The following NRF1 variants were observed in gnomAD, a reference collection of about 807,000 sequenced individuals.
The protein encoded by NRF1 is alpha palindromic-binding protein.
NRF1 carries 5 observed loss-of-function variants against 58.5 expected under a neutral mutation model. That is an observed-to-expected ratio of 0.09 (90% CI 0.04 to 0.18). The LOEUF (loss-of-function observed/expected upper bound fraction) is 0.18. Among genes scored for constraint, NRF1 ranks in the 10% least tolerant of loss-of-function variants. The pLI, the probability that NRF1 is intolerant of heterozygous loss-of-function variation, is 1.00. For missense variants in NRF1, 288 were observed against 657.7 expected, an observed-to-expected ratio of 0.44 and a Z score of 6.15; for synonymous variants, 224 against 246.7, an observed-to-expected ratio of 0.91 and a Z score of 0.86.
chr7:129,705,344 G>A (rs1802923593), intron 5 of NRF1, among the ~76,000 whole-genome samples: 1 of 152,114 alleles, frequency 6.6e-6, no homozygotes, highest in East Asian at 1.9e-4. Context: ...AGGCTGGAGT[G>A]TAGTTGAGCG....
chr7:129,627,851 C>T, intron 1 of NRF1, among the ~76,000 whole-genome samples: 1 of 152,068 alleles, frequency 6.6e-6, no homozygotes, highest in East Asian at 1.9e-4. Flanking sequence ...AAATGAATGA[C>T]TCATTTTGAT....
rs772239945 is a variant in NRF1 at position 129,755,206 on chromosome 7, T to G, written c.*25T>G. On this transcript the variant is annotated 3_prime_UTR_variant, in exon 11 of 11. Transcript: ENST00000393232. The surrounding 1 kb of genome is among the most constrained non-coding windows in gnomAD (Gnocchi z 5.8). ...ACATACAGCCATATTATGGCATCGTTTTCTAGTCTACTTCAAAATTTTTTA... is the reference window on the plus strand; with the variant it reads ...ACATACAGCCATATTATGGCATCGTGTTCTAGTCTACTTCAAAATTTTTTA... 2 of 1,533,532 alleles carry G rather than the reference T, an allele frequency of 1.3e-6. No homozygotes were observed. Among genetic ancestry groups the G allele is most frequent in the Non-Finnish European group, 1.8e-6 (2 of 1,138,048 alleles). 95.0% of individuals were successfully genotyped at this position (1,533,532 alleles called of 1,614,324 possible).
intron 2 of NRF1, among the ~76,000 whole-genome samples, chr7:129,662,365 T>C (rs1801803402): frequency 2.0e-5 from 3 of 149,204 alleles, no homozygotes; most frequent in Admixed American, 6.8e-5. Flanking sequence ...TTTTTTTTCC[T>C]CCAGTTTTAG....
chr7:129,732,368 T>C (rs182964723), intron 10 of NRF1, among the ~76,000 whole-genome samples: 67 of 152,298 alleles, frequency 4.4e-4, no homozygotes, highest in South Asian at 8.3e-4. Flanking sequence ...TAAGTATTGG[T>C]TGGTGCAAAA....
chr7:129,691,361 A>ATTTT (rs752895743), intron 5 of NRF1, among the ~76,000 whole-genome samples: 41 of 90,860 alleles, frequency 4.5e-4, no homozygotes, highest in Non-Finnish European at 6.0e-4. Context: ...TATTATTATT[A>ATTTT]TTATTTTTTT....
chr7:129,687,258 A>G (rs1297795688), intron 4 of NRF1, among the ~76,000 whole-genome samples: 1 of 150,300 alleles, frequency 6.7e-6, no homozygotes, highest in African/African-American at 2.4e-5. Flanking sequence ...CCAAGCAGCA[A>G]CAGGTTTGAT....
intron 1 of NRF1, among the ~76,000 whole-genome samples, chr7:129,621,426 C>T (rs1269888767): frequency 6.6e-6 from 1 of 152,154 alleles, no homozygotes; most frequent in Non-Finnish European, 1.5e-5. Flanking sequence ...TCTTTACATT[C>T]AGTAAATCTC....
At chr7:129,616,307 T>C (rs570417914) in intron 1 of NRF1, among the ~76,000 whole-genome samples, 62 of 152,232 alleles carry the variant, frequency 4.1e-4, no homozygotes, top group African/African-American at 1.3e-3. Context: ...CAATGGCTGG[T>C]TATGGTGGTT....
Position 129,741,707 on chromosome 7 carries a change from T to C in NRF1, c.1349-13311T>C, listed in dbSNP as rs1160491581. Among the ~76,000 whole-genome samples the C allele has an allele frequency of 1.3e-5, 2 of 152,174 alleles. No individual in the cohort carries two copies. The highest frequency in any genetic ancestry group is 4.8e-5 in the African/African-American group (2 of 41,438). ...TTTCCTCTTTTTATTTATGCTTCCA[T>C]TAGGATTTTGAAGGAATGCCAGTGC... On this transcript the variant is annotated intron_variant, in intron 10 of 10. Coordinates refer to ENST00000393232, the MANE Select transcript of NRF1 (RefSeq NM_005011.5). The surrounding 1 kb of genome is among the most constrained non-coding windows in gnomAD (Gnocchi z 4.0).
intron 1 of NRF1, among the ~76,000 whole-genome samples, chr7:129,619,394 GTGTATATATATATA>G (rs1234654780): frequency 4.3e-5 from 2 of 46,632 alleles, no homozygotes; most frequent in African/African-American, 1.9e-4. Context: ...CTTGGCATAC[GTGTATATATATATA>G]TATATATATA....
intron 10 of NRF1, chr7:129,735,357 C>T: frequency 2.5e-6 from 1 of 403,702 alleles, no homozygotes; most frequent in Non-Finnish European, 3.4e-6. Context: ...TGGTGAAACC[C>T]TGTCTATACT....
At chr7:129,747,335 C>G (rs1803999203) in intron 10 of NRF1, among the ~76,000 whole-genome samples, 1 of 152,158 alleles carries the variant, frequency 6.6e-6, no homozygotes, top group African/African-American at 2.4e-5. Context: ...GTCCATCTGC[C>G]CTGATTTCAT....
intron 4 of NRF1, among the ~76,000 whole-genome samples, chr7:129,685,007 G>A (rs1346770681): frequency 6.6e-6 from 1 of 152,180 alleles, no homozygotes; most frequent in Non-Finnish European, 1.5e-5. Context: ...CCTGCAGCCT[G>A]GCTGGAAGCC....
chr7:129,691,479 C>T (rs60346280), intron 5 of NRF1, among the ~76,000 whole-genome samples: 4,642 of 151,160 alleles, frequency 0.031, 237 homozygotes, highest in African/African-American at 0.1. Context: ...CTCGTGCCTC[C>T]GAATAGCTGT....
intron 1 of NRF1, among the ~76,000 whole-genome samples, chr7:129,640,876 C>G (rs540663432): frequency 1.3e-5 from 2 of 152,174 alleles, no homozygotes; most frequent in Non-Finnish European, 2.9e-5. Context: ...TAAAGGAATG[C>G]TCTGTGGACA....
intron 4 of NRF1, among the ~76,000 whole-genome samples, chr7:129,683,288 AGTGTGTGTGT>A (rs35691853): frequency 0.016 from 2,196 of 140,466 alleles, 60 homozygotes; most frequent in African/African-American, 0.055. Context: ...TCATGTGGAG[AGTGTGTGTGT>A]GTGTGTGTGT....
chr7:129,684,313 A>T (rs1481676379), intron 4 of NRF1, among the ~76,000 whole-genome samples: 1 of 152,220 alleles, frequency 6.6e-6, no homozygotes, highest in Non-Finnish European at 1.5e-5. Context: ...TAGAAACAAG[A>T]TAGCTGTAAT....
chr7:129,734,057 C>T (rs752274505), intron 10 of NRF1, among the ~76,000 whole-genome samples: 9 of 152,082 alleles, frequency 5.9e-5, no homozygotes, highest in Admixed American at 3.3e-4. Flanking sequence ...GCAAGGCATA[C>T]CCCACTTGTG....
intron 10 of NRF1, among the ~76,000 whole-genome samples, chr7:129,750,530 C>T (rs1300125798): frequency 6.6e-6 from 1 of 152,074 alleles, no homozygotes; most frequent in Non-Finnish European, 1.5e-5. Context: ...TTTAAGGTGG[C>T]AGTAGACAGA....
Sources: gnomAD v4.1 joint callset for allele counts (sites outside exome capture counted in the v4.1 genomes callset) on GRCh38, gnomAD v4.1.1 for gene constraint, Gnocchi (gnomAD v3.1) non-coding constraint, MANE v1.5 for transcripts, NCBI Gene and HGNC (gene_info 2026-07-23, HGNC 2026-07-21) for gene names.